FRMD4A: variants seen among roughly 807,000 people sequenced by gnomAD.
FRMD4A encodes FERM domain containing 4A.
In FRMD4A, 29 loss-of-function variants were observed where a neutral mutation model predicts 129.1. The ratio of observed to expected loss-of-function variants is 0.22; its 90% CI spans 0.17 to 0.31. The LOEUF is 0.31. Ranked by LOEUF, FRMD4A falls within the 10% of genes least tolerant of loss-of-function variation. The probability of loss-of-function intolerance (pLI) is 1.00; values close to 1 mark genes in which losing one functional copy is unlikely to be tolerated. For synonymous variants in FRMD4A, 634 were observed against 571.6 expected (o/e 1.11, Z -1.56); for missense variants, 1,272 against 1,375.8 (o/e 0.92, Z 1.19).
At chr10:13,764,403 G>A (rs750504901) in intron 6 of FRMD4A, among the ~76,000 whole-genome samples, 2 of 152,040 alleles carry the variant, frequency 1.3e-5, no homozygotes, top group African/African-American at 2.4e-5. Flanking sequence ...TACTTGGGAG[G>A]CTGAGGTGGG....
chr10:14,118,466 T>G (rs143699302), intron 2 of FRMD4A, among the ~76,000 whole-genome samples: 22 of 152,320 alleles, frequency 1.4e-4, no homozygotes, highest in African/African-American at 5.1e-4. Flanking sequence ...CTTACAAACT[T>G]TTGTTTTCTG....
chr10:14,233,440 G>C (rs1589208142), intron 2 of FRMD4A, among the ~76,000 whole-genome samples: 1 of 152,136 alleles, frequency 6.6e-6, no homozygotes, highest in East Asian at 1.9e-4. Context: ...CAGGCATGGT[G>C]GTGCACACCT....
intron 15 of FRMD4A, among the ~76,000 whole-genome samples, chr10:13,690,868 T>G (rs1429563443): frequency 6.6e-6 from 1 of 152,246 alleles, no homozygotes; most frequent in Non-Finnish European, 1.5e-5. Flanking sequence ...ACAGATGGAT[T>G]AAGCAGGAAG....
At chr10:14,024,972 C>T (rs1227267214) in intron 2 of FRMD4A, among the ~76,000 whole-genome samples, 1 of 152,242 alleles carries the variant, frequency 6.6e-6, no homozygotes, top group Non-Finnish European at 1.5e-5. Context: ...GTGACCAATG[C>T]TAGGGCAATT....
In FRMD4A at chr10:14,049,156, A is replaced by G. The variant is rs530194151; in HGVS notation, c.46-190244T>C. 6.6e-5 allele frequency among the ~76,000 whole-genome samples: 10 copies of G among 152,342 alleles called. No homozygotes were observed. In the East Asian group the frequency reaches 1.7e-3, roughly 26 times the overall value. On this transcript the variant is annotated intron_variant, in intron 2 of 24. Coordinates refer to ENST00000357447, the MANE Select transcript of FRMD4A (RefSeq NM_018027.5). ...CCTGATCTAGGGATGTGGCCTGTTC[A>G]GTTCATTACAGAACCAGGATAAGAG... is the stretch of plus-strand genomic sequence containing the variant.
At chr10:14,085,152 G>C (rs528934836) in intron 2 of FRMD4A, among the ~76,000 whole-genome samples, 8 of 152,228 alleles carry the variant, frequency 5.3e-5, no homozygotes, top group Admixed American at 3.3e-4. Context: ...ACATGCTCTG[G>C]AAACTTTCAT....
intron 2 of FRMD4A, among the ~76,000 whole-genome samples, chr10:13,919,170 A>T (rs1362875294): frequency 1.3e-5 from 2 of 152,220 alleles, no homozygotes; most frequent in African/African-American, 2.4e-5. Flanking sequence ...GTGTAGGAAA[A>T]AAAAAGTCTC....
intron 3 of FRMD4A, among the ~76,000 whole-genome samples, chr10:13,851,225 AAAAAAGAAAAAG>A (rs374180622): frequency 8.3e-4 from 126 of 152,366 alleles, no homozygotes; most frequent in African/African-American, 2.8e-3. Flanking sequence ...AAACAAAACA[AAAAAAGAAAAAG>A]AAAAAGAAAA....
intron 3 of FRMD4A, among the ~76,000 whole-genome samples, chr10:13,849,667 C>T (rs1341268514): frequency 3.3e-5 from 5 of 151,278 alleles, no homozygotes; most frequent in East Asian, 2.0e-4. Context: ...TTAGTAGAGA[C>T]GGGCTTTCAC....
intron 6 of FRMD4A, among the ~76,000 whole-genome samples, chr10:13,776,595 CTT>C (rs1483589233): frequency 1.3e-5 from 2 of 152,176 alleles, no homozygotes; most frequent in Non-Finnish European, 2.9e-5. Flanking sequence ...AACCATTTGA[CTT>C]TTAAATGATG....
chr10:14,113,244 G>A (rs542150399), intron 2 of FRMD4A, among the ~76,000 whole-genome samples: 5 of 152,144 alleles, frequency 3.3e-5, no homozygotes, highest in South Asian at 4.1e-4. Context: ...CCACTTACAC[G>A]TGAATTTTCT....
chr10:14,262,393 GC>G (rs1237961696), intron 2 of FRMD4A, among the ~76,000 whole-genome samples: 6 of 152,156 alleles, frequency 3.9e-5, no homozygotes, highest in Non-Finnish European at 4.4e-5. Context: ...AAATTCCAGG[GC>G]TTGGCAAAGG....
At chr10:13,865,895 G>A (rs2094360799) in intron 2 of FRMD4A, among the ~76,000 whole-genome samples, 1 of 152,118 alleles carries the variant, frequency 6.6e-6, no homozygotes, top group Admixed American at 6.5e-5. Context: ...TTTCAGGGAA[G>A]ACACTGTGGG....
chr10:13,899,906 C>G (rs746081209), intron 2 of FRMD4A, among the ~76,000 whole-genome samples: 3 of 152,174 alleles, frequency 2.0e-5, no homozygotes, highest in Non-Finnish European at 4.4e-5. Context: ...GCTCCTGTGT[C>G]GTTCCATCAG....
intron 2 of FRMD4A, among the ~76,000 whole-genome samples, chr10:13,964,295 A>C (rs1281774057): frequency 1.3e-5 from 2 of 152,162 alleles, no homozygotes; most frequent in African/African-American, 4.8e-5. Flanking sequence ...CAAACGAACA[A>C]CATCTAACTT....
intron 3 of FRMD4A, among the ~76,000 whole-genome samples, chr10:13,817,014 T>C (rs182006589): frequency 2.0e-5 from 3 of 152,368 alleles, no homozygotes; most frequent in African/African-American, 4.8e-5. Context: ...TCTTTTCTTT[T>C]TGTATCTCAA....
rs565280765 is a variant in FRMD4A at position 13,941,459 on chromosome 10, A to T, written c.46-82547T>A. 1.2e-4 allele frequency among the ~76,000 whole-genome samples: 18 copies of T among 152,350 alleles called. No individual in the cohort carries two copies. The South Asian group carries it at 3.5e-3, about 30-fold the overall frequency. On this transcript the variant is annotated intron_variant, in intron 2 of 24. Coordinates refer to ENST00000357447, the MANE Select transcript of FRMD4A (RefSeq NM_018027.5). ...GTGTAAACGGACTAATACAGTGTGT[A>T]TGCAAAGCCAAACATATAACATTAC...
At chr10:13,739,374 G>T (rs1174825006) in intron 11 of FRMD4A, among the ~76,000 whole-genome samples, 1 of 152,206 alleles carries the variant, frequency 6.6e-6, no homozygotes, top group African/African-American at 2.4e-5. Context: ...CCAGAGAAGG[G>T]CTGTCATCAC....
rs370245144 is a variant in FRMD4A at position 13,801,063 on chromosome 10, A to G, written c.207-4475T>C. Among the ~76,000 whole-genome samples, 279 of 152,338 alleles carry G rather than the reference A, an allele frequency of 1.8e-3. 1 individual carries two copies. Among genetic ancestry groups the G allele is most frequent in the Non-Finnish European group, 3.4e-3 (233 of 68,034 alleles). On this transcript the variant is annotated intron_variant, in intron 4 of 24. Coordinates refer to ENST00000357447, the MANE Select transcript of FRMD4A (RefSeq NM_018027.5). Reference sequence around the variant, plus strand: ...GGAGATCGAGACCATCCTGGCCAACATGCTGAAACCCCGTCTCTACCAAAA... The same window carrying G: ...GGAGATCGAGACCATCCTGGCCAACGTGCTGAAACCCCGTCTCTACCAAAA...
Sources: gnomAD v4.1 joint callset for allele counts (sites outside exome capture counted in the v4.1 genomes callset) on GRCh38, gnomAD v4.1.1 for gene constraint, MANE v1.5 for transcripts, NCBI Gene and HGNC (gene_info 2026-07-23, HGNC 2026-07-21) for gene names.